The following EBF1 variants were observed in gnomAD, a reference collection of about 807,000 sequenced individuals.
EBF1 encodes transcription factor COE1.
Under a neutral mutation model 68.4 loss-of-function variants are expected in EBF1, and 10 were observed. That is an observed-to-expected ratio of 0.15 (90% confidence interval 0.09 to 0.25). The LOEUF is 0.25. Ranked by LOEUF, EBF1 falls within the 10% of genes least tolerant of loss-of-function variation. The pLI, the probability that EBF1 is intolerant of heterozygous loss-of-function variation, is 1.00. For missense variants in EBF1, 509 were observed against 794.4 expected, an observed-to-expected ratio of 0.64 and a Z score of 4.32; for synonymous variants, 298 against 299.8, an observed-to-expected ratio of 0.99 and a Z score of 0.06.
chr5:158,830,635 C>G (rs1251782861), intron 7 of EBF1, among the ~76,000 whole-genome samples: 1 of 151,882 alleles, frequency 6.6e-6, no homozygotes, highest in Non-Finnish European at 1.5e-5. Flanking sequence ...ACTTCCAGTA[C>G]AAATCTATGG....
chr5:159,046,775 A>T (rs1772488823), intron 6 of EBF1, among the ~76,000 whole-genome samples: 1 of 152,228 alleles, frequency 6.6e-6, no homozygotes, highest in Non-Finnish European at 1.5e-5. Flanking sequence ...CAGGATCAAC[A>T]GTGTTCTGAG....
chr5:159,058,452 C>A (rs1049236793), intron 6 of EBF1, among the ~76,000 whole-genome samples: 4 of 152,196 alleles, frequency 2.6e-5, no homozygotes, highest in African/African-American at 4.8e-5. Flanking sequence ...AGTCCACCCC[C>A]AGCCCTACCT....
intron 7 of EBF1, 93 bp downstream of exon 7, chr5:158,839,935 GA>G: frequency 3.2e-6 from 4 of 1,262,458 alleles, no homozygotes; most frequent in East Asian, 2.3e-5. Context: ...TCACCTCTGG[GA>G]AAAAAAGCTA....
chr5:158,729,567 C>A (rs1763656074), intron 11 of EBF1, among the ~76,000 whole-genome samples: 1 of 152,162 alleles, frequency 6.6e-6, no homozygotes, highest in African/African-American at 2.4e-5. Context: ...AATGGTAAAT[C>A]TCTCCACAGA....
intron 6 of EBF1, among the ~76,000 whole-genome samples, chr5:158,997,265 G>A (rs1335758110): frequency 6.6e-6 from 1 of 152,110 alleles, no homozygotes; most frequent in Non-Finnish European, 1.5e-5. Flanking sequence ...CTCACTCCCT[G>A]AGGAGAGCCA....
At chr5:158,739,432 A>T (rs774536656) in intron 10 of EBF1, among the ~76,000 whole-genome samples, 30 of 152,202 alleles carry the variant, frequency 2.0e-4, no homozygotes, top group Admixed American at 8.5e-4. Flanking sequence ...TAGATTCCCA[A>T]ATTTGATCCA....
At chr5:158,786,008 C>G (rs1308440829) in intron 9 of EBF1, among the ~76,000 whole-genome samples, 1 of 152,100 alleles carries the variant, frequency 6.6e-6, no homozygotes, top group Admixed American at 6.5e-5. Context: ...TCAATAAATA[C>G]TTGAACATTG....
chr5:158,983,442 T>C (rs1389844507), intron 6 of EBF1: 1 of 152,174 alleles, frequency 6.6e-6, no homozygotes. Context: ...TTCCCAATAT[T>C]GGTGGAATGT....
chr5:158,824,957 C>A (rs1242824176), intron 7 of EBF1, among the ~76,000 whole-genome samples: 2 of 152,216 alleles, frequency 1.3e-5, no homozygotes, highest in Non-Finnish European at 2.9e-5. Flanking sequence ...TCTAAATCTA[C>A]TTAATTAAAA....
intron 6 of EBF1, among the ~76,000 whole-genome samples, chr5:158,948,661 G>A (rs55977949): frequency 0.069 from 10,543 of 152,180 alleles, 474 homozygotes; most frequent in Non-Finnish European, 0.093. Context: ...AGAAGAGGCC[G>A]GTCTGCGCTC....
At chr5:158,727,247 G>A (rs939455857) in intron 11 of EBF1, among the ~76,000 whole-genome samples, 3 of 152,166 alleles carry the variant, frequency 2.0e-5, no homozygotes, top group Non-Finnish European at 4.4e-5. Context: ...CACGCCTGAC[G>A]CCAGCTAAGC....
intron 8 of EBF1, among the ~76,000 whole-genome samples, chr5:158,803,991 C>T (rs1582038764): frequency 7.1e-6 from 1 of 141,560 alleles, no homozygotes; most frequent in South Asian, 2.4e-4. Flanking sequence ...TGATGTTTGT[C>T]ACTTTAAGGA....
intron 10 of EBF1, among the ~76,000 whole-genome samples, chr5:158,756,017 A>G (rs1420852295): frequency 1.3e-5 from 2 of 152,142 alleles, no homozygotes; most frequent in Admixed American, 6.6e-5. Context: ...CAAAATGTCA[A>G]TGGTACTTTA....
chr5:158,897,862 G>A (rs541778715), intron 6 of EBF1, among the ~76,000 whole-genome samples: 1 of 152,288 alleles, frequency 6.6e-6, no homozygotes, highest in East Asian at 1.9e-4. Context: ...GTGAAGAGTG[G>A]TGTGAGCTTT....
At position 159,096,399 on chromosome 5, in the gene EBF1, T is replaced by C. The variant is rs1443027571; in HGVS notation, c.299A>G (p.Asn100Ser). The C allele has an allele frequency of 6.2e-7, 1 of 1,613,566 alleles. No homozygotes were observed. The highest frequency in any genetic ancestry group is 2.2e-5 in the East Asian group (1 of 44,874). The part of the protein sequence containing the change: ...VGFVEKEKEA[N>S]SEKTNNGIHY... ...AATTCCGTTATTGGTCTTTTCGCTG[T>C]TGGCTTCCTGGGTTGCATCAGGACG... The change falls in exon 3 of 16, where the codon AAC becomes AGC. Residue 100 changes from asparagine (N) to serine (S), a missense_variant. Physicochemically the swap from Asn to Ser is conservative, Grantham distance 46 (BLOSUM62 1). Transcript: ENST00000313708.
intron 9 of EBF1, among the ~76,000 whole-genome samples, chr5:158,785,809 C>T (rs1561921863): frequency 6.6e-6 from 1 of 152,126 alleles, no homozygotes; most frequent in Non-Finnish European, 1.5e-5. Flanking sequence ...TGTTACTTAA[C>T]ACTGAAATTT....
chr5:158,956,822 G>A (rs886266931), intron 6 of EBF1, among the ~76,000 whole-genome samples: 3 of 147,286 alleles, frequency 2.0e-5, no homozygotes, highest in Admixed American at 6.8e-5. Context: ...GCAGTGGCGC[G>A]ATCTGGGCTC....
intron 10 of EBF1, among the ~76,000 whole-genome samples, chr5:158,746,442 C>T (rs1309542172): frequency 6.6e-6 from 1 of 152,038 alleles, no homozygotes; most frequent in Non-Finnish European, 1.5e-5. Context: ...AAAAGTAGGC[C>T]CAGTGGCCAC....
chr5:158,876,764 C>T (rs1260808933), intron 6 of EBF1, among the ~76,000 whole-genome samples: 1 of 152,174 alleles, frequency 6.6e-6, no homozygotes, highest in Non-Finnish European at 1.5e-5. Flanking sequence ...AGCTGGAGGG[C>T]AGGCCAGTGT....
Sources: allele counts gnomAD v4.1 joint callset (sites outside exome capture counted in the v4.1 genomes callset), GRCh38; gene constraint gnomAD v4.1.1; transcripts MANE v1.5; gene names NCBI Gene and HGNC (gene_info 2026-07-23, HGNC 2026-07-21).